Variants in LAMA3 observed in about 807,000 individuals in gnomAD.
LAMA3 encodes the protein laminin subunit alpha 3, also known as laminin subunit alpha-3.
Under a neutral mutation model 402.0 loss-of-function variants are expected in LAMA3, and 281 were observed. That is an observed-to-expected ratio of 0.70 (90% CI 0.63 to 0.77). The LOEUF (loss-of-function observed/expected upper bound fraction) is 0.77, where lower values mean the gene tolerates loss of function less well. Ranked by LOEUF, LAMA3 falls within the 30% of genes least tolerant of loss-of-function variation. LAMA3 has a pLI of 0.00. For synonymous variants in LAMA3, 1,431 were observed against 1,558.4 expected (o/e 0.92, Z 1.93); for missense variants, 3,840 against 4,215.5 (o/e 0.91, Z 2.47).
At chr18:23,921,921 G>A (rs1390894346) in intron 62 of LAMA3, among the ~76,000 whole-genome samples, 1 of 152,208 alleles carries the variant, frequency 6.6e-6, no homozygotes, top group Non-Finnish European at 1.5e-5. Context: ...ATAGGAGAGC[G>A]TGGGCCTCCC....
rs559408080 is a variant in LAMA3 at position 23,953,195 on chromosome 18, G to A, written c.9856+86G>A. On this transcript the variant is annotated intron_variant, in intron 74 of 74. Transcript: ENST00000313654. ...TTAATTAGTGGCAGGGCAGCTCTTGGCTGGACAGTGGAGATGGTGAGGCCC... is the reference window on the plus strand; with the variant it reads ...TTAATTAGTGGCAGGGCAGCTCTTGACTGGACAGTGGAGATGGTGAGGCCC... The A allele has an allele frequency of 1.0e-4, 159 of 1,562,594 alleles. 4 individuals are homozygous for A. The East Asian group carries it at 3.5e-3, about 35-fold the overall frequency.
intron 15 of LAMA3, 101 bp from the exon 16 acceptor site, chr18:23,815,086 AG>A: frequency 3.9e-6 from 4 of 1,031,322 alleles, no homozygotes; most frequent in Non-Finnish European, 6.1e-6. Context: ...TGCGCTGGCA[AG>A]GCCAACTGCA....
chr18:23,841,806 T>C (rs2144591301), intron 27 of LAMA3, among the ~76,000 whole-genome samples: 1 of 152,178 alleles, frequency 6.6e-6, no homozygotes, highest in African/African-American at 2.4e-5. Flanking sequence ...CTTGTAGTCG[T>C]AGCTACTTGG....
At chr18:23,853,224 G>C (rs1249567134) in intron 32 of LAMA3, among the ~76,000 whole-genome samples, 2 of 152,120 alleles carry the variant, frequency 1.3e-5, no homozygotes, top group African/African-American at 4.8e-5. Context: ...TGGGCTCTAG[G>C]TTAAAACTGG....
intron 7 of LAMA3, 82 bp downstream of exon 7, chr18:23,758,593 G>C (rs2061903546): frequency 2.9e-6 from 3 of 1,025,368 alleles, no homozygotes; most frequent in African/African-American, 3.2e-5. Flanking sequence ...CCCCATGCTA[G>C]AGAAGAGGCT....
chr18:23,906,323 C>T (rs2081247751), intron 52 of LAMA3, among the ~76,000 whole-genome samples: 1 of 152,160 alleles, frequency 6.6e-6, no homozygotes. Flanking sequence ...TTTAAAATTT[C>T]TTAAGTCCTA....
intron 2 of LAMA3, among the ~76,000 whole-genome samples, chr18:23,739,824 A>C (rs2061533614): frequency 6.6e-6 from 1 of 152,252 alleles, no homozygotes; most frequent in South Asian, 2.1e-4. Flanking sequence ...ACTTATAAAA[A>C]TCCATATATT....
intron 60 of LAMA3, among the ~76,000 whole-genome samples, chr18:23,917,621 T>TATTGAGC (rs1479755731): frequency 6.6e-6 from 1 of 152,366 alleles, no homozygotes; most frequent in East Asian, 1.9e-4. Flanking sequence ...TCATTAGTGA[T>TATTGAGC]ATTGAGCATT....
intron 24 of LAMA3, 51 bp from the exon 25 acceptor site, chr18:23,836,930 A>G (rs1315901947): frequency 7.6e-7 from 1 of 1,313,404 alleles, no homozygotes; most frequent in South Asian, 1.2e-5. Context: ...GATGTGCAGA[A>G]TGAGGGAGAT....
chr18:23,862,653 A>G (rs749863010), intron 35 of LAMA3, among the ~76,000 whole-genome samples: 4 of 152,188 alleles, frequency 2.6e-5, no homozygotes, highest in African/African-American at 4.8e-5. Flanking sequence ...TTACCGCTAT[A>G]TGACGGGCCC....
chr18:23,870,684 A>G (rs1159867663), intron 37 of LAMA3, among the ~76,000 whole-genome samples: 2 of 152,232 alleles, frequency 1.3e-5, no homozygotes, highest in Admixed American at 6.5e-5. Context: ...GTCATAGGCT[A>G]TAATATAGAT....
intron 1 of LAMA3, among the ~76,000 whole-genome samples, chr18:23,699,912 G>A (rs953422054): frequency 6.6e-6 from 1 of 152,144 alleles, no homozygotes; most frequent in African/African-American, 2.4e-5. Flanking sequence ...AGACTTGGGA[G>A]TGTCCTAATA....
chr18:23,704,154 C>T (rs1053836731), intron 1 of LAMA3, among the ~76,000 whole-genome samples: 5 of 152,200 alleles, frequency 3.3e-5, no homozygotes, highest in African/African-American at 9.7e-5. Context: ...CTTATCTTGC[C>T]GGGCTTTTTG....
chr18:23,915,436 A>G lies in LAMA3; in HGVS notation c.7778+14A>G. 4 of 1,611,334 alleles carry G rather than the reference A, an allele frequency of 2.5e-6. No homozygotes were observed. Among genetic ancestry groups the G allele is most frequent in the Non-Finnish European group, 3.4e-6 (4 of 1,178,192 alleles). On this transcript the variant is annotated intron_variant, in intron 59 of 74. Coordinates refer to ENST00000313654, the MANE Select transcript of LAMA3 (RefSeq NM_198129.4). Reference sequence around the variant, plus strand: ...GCCTTGTAGAAGGTAAATAAAATGTAGAAACCAGAAACTCTGTAACTGGAG... The same window carrying G: ...GCCTTGTAGAAGGTAAATAAAATGTGGAAACCAGAAACTCTGTAACTGGAG...
rs374897016 is a variant in LAMA3 at position 23,847,468 on chromosome 18, C to T, written c.3936C>T (p.Cys1312=). Residue 1312 remains cysteine (C), a synonymous_variant, in exon 32 of 75, where the codon TGC becomes TGT. Transcript: ENST00000313654. The part of the protein sequence containing the change: ...GHYGFPRCKP[C]SCGRRLCEEM... ...ATTTCTTTATCCCCTGGCCAGCGTGCAGCTGTGGTCGGCGCCTTTGTGAAG... is the reference window on the plus strand; with the variant it reads ...ATTTCTTTATCCCCTGGCCAGCGTGTAGCTGTGGTCGGCGCCTTTGTGAAG... 1.9e-6 allele frequency: 3 copies of T among 1,611,734 alleles called. No individual in the cohort carries two copies. In the African/African-American group the frequency reaches 4.0e-5, roughly 22 times the overall value.
intron 62 of LAMA3, among the ~76,000 whole-genome samples, chr18:23,925,539 G>A (rs1488835576): frequency 6.6e-6 from 1 of 152,140 alleles, no homozygotes. Context: ...CCAAGATTAG[G>A]GCTGCCTTTT....
chr18:23,864,401 A>T (rs976439221), intron 35 of LAMA3, among the ~76,000 whole-genome samples: 1 of 151,890 alleles, frequency 6.6e-6, no homozygotes, highest in African/African-American at 2.4e-5. Context: ...TAATTTTTAA[A>T]TATTTTTGTA....
At chr18:23,910,070 C>T (rs734731) in intron 55 of LAMA3, among the ~76,000 whole-genome samples, 36,770 of 152,082 alleles carry the variant, frequency 0.24, 6,616 homozygotes, top group East Asian at 0.66. Flanking sequence ...TTTGGAAGAA[C>T]GCACCCTCTT....
At position 23,833,872 on chromosome 18, in the gene LAMA3, C is replaced by T. The variant is rs755080322; in HGVS notation, c.2868C>T (p.Tyr956=). The change falls in exon 24 of 75, where the codon TAC becomes TAT. Residue 956 remains tyrosine (Y), a synonymous_variant. Coordinates refer to ENST00000313654, the MANE Select transcript of LAMA3 (RefSeq NM_198129.4). ...LRLRIPQVGH[Y]VVVVEYSTEA... ...TGCGCATCCCACAGGTTGGCCACTA[C>T]GTGGTTGTGGTCGAGTATTCCACGG... 6.8e-6 allele frequency: 11 copies of T among 1,613,844 alleles called. No homozygotes were observed. The highest frequency in any genetic ancestry group is 2.7e-5 in the African/African-American group (2 of 74,918).
Sources: allele counts gnomAD v4.1 joint callset (sites outside exome capture counted in the v4.1 genomes callset), GRCh38; gene constraint gnomAD v4.1.1; transcripts MANE v1.5; gene names NCBI Gene and HGNC (gene_info 2026-07-23, HGNC 2026-07-21).